DCAF13: variants seen among roughly 807,000 people sequenced by gnomAD.
The protein encoded by DCAF13 is DDB1- and CUL4-associated factor 13.
In DCAF13, 38 loss-of-function variants were observed where a neutral mutation model predicts 59.0. The ratio of observed to expected loss-of-function variants is 0.64; its 90% CI spans 0.50 to 0.84. The LOEUF (loss-of-function observed/expected upper bound fraction) is 0.84. Ranked by LOEUF, DCAF13 falls within the 40% of genes least tolerant of loss-of-function variation. The pLI is 0.00. For synonymous variants in DCAF13, 173 were observed against 175.0 expected (o/e 0.99, Z 0.09); for missense variants, 469 against 558.4 (o/e 0.84, Z 1.61).
Position 103,430,675 on chromosome 8 carries a change from A to C in DCAF13, c.688A>C (p.Thr230Pro). Residue 230 changes from threonine (T) to proline (P), a missense_variant, in exon 6 of 11, where the codon ACT becomes CCT. By Grantham distance (38) the Thr-to-Pro change is conservative (BLOSUM62 -1). This residue lies in a region of DCAF13 where 355 missense variants were observed against 399.1 expected (regional missense o/e 0.89). Coordinates refer to ENST00000612750, the MANE Select transcript of DCAF13 (RefSeq NM_015420.7). ...AGTACTGTACGATATGAGGCAAGCT[A>C]CTCCTTTGAAAAAGGTGAGTTTCAG... ...NIVLYDMRQA[T>P]PLKKVILDMR... 6.2e-7 allele frequency: 1 copy of C among 1,607,964 alleles called. No individual in the cohort carries two copies.
intron 1 of DCAF13, among the ~76,000 whole-genome samples, chr8:103,419,031 A>T (rs1159064030): frequency 6.6e-6 from 1 of 150,522 alleles, no homozygotes; most frequent in Non-Finnish European, 1.5e-5. Context: ...CTGCAGGCAC[A>T]TACCACCCCC....
chr8:103,424,295 G>C (rs1224920069), intron 3 of DCAF13, among the ~76,000 whole-genome samples: 1 of 152,210 alleles, frequency 6.6e-6, no homozygotes, highest in African/African-American at 2.4e-5. Flanking sequence ...TGAAAGTGCT[G>C]GGATTACAGG....
rs1816883200 is a variant in DCAF13 at position 103,432,713 on chromosome 8, A to G, written c.757A>G (p.Ile253Val). 6.2e-7 allele frequency: 1 copy of G among 1,604,250 alleles called. No homozygotes were observed. The highest frequency in any genetic ancestry group is 1.3e-5 in the African/African-American group (1 of 74,838). Reference sequence around the variant, plus strand: ...CTGTTGGAACCCTATGGAAGCTTTCATTTTTACAGCAGCAAATGAAGATTA... The same window carrying G: ...CTGTTGGAACCCTATGGAAGCTTTCGTTTTTACAGCAGCAAATGAAGATTA... The part of the protein sequence containing the change: ...TICWNPMEAF[I>V]FTAANEDYNL... The change falls in exon 7 of 11, where the codon ATT becomes GTT. Residue 253 changes from isoleucine (I) to valine (V), a missense_variant. Physicochemically the swap from Ile to Val is conservative, Grantham distance 29. This residue lies in a region of DCAF13 where 355 missense variants were observed against 399.1 expected (regional missense o/e 0.89). Coordinates refer to ENST00000612750, the MANE Select transcript of DCAF13 (RefSeq NM_015420.7).
chr8:103,430,719 A>G (rs1327423067), intron 6 of DCAF13, 30 bp downstream of exon 6: 2 of 1,511,318 alleles, frequency 1.3e-6, no homozygotes, highest in African/African-American at 1.4e-5. Flanking sequence ...TTTGCTTTAT[A>G]CAGTTGGCAT....
intron 3 of DCAF13, chr8:103,421,307 G>T (rs1420562252): frequency 1.6e-6 from 1 of 623,170 alleles, no homozygotes; most frequent in Non-Finnish European, 2.9e-6. Flanking sequence ...CACAAAAGTG[G>T]AATTAATGAG....
intron 5 of DCAF13, chr8:103,429,108 T>C (rs1446551710): frequency 6.6e-6 from 1 of 152,278 alleles, no homozygotes; most frequent in East Asian, 1.9e-4. Flanking sequence ...AAGCCAAAAG[T>C]TTATGCTGAT....
At chr8:103,432,231 C>T (rs991112714) in intron 6 of DCAF13, among the ~76,000 whole-genome samples, 1 of 152,158 alleles carries the variant, frequency 6.6e-6, no homozygotes, top group Non-Finnish European at 1.5e-5. Context: ...GATAATCCTG[C>T]TCAAAATGCC....
chr8:103,441,858 C>T (rs1415979398), intron 10 of DCAF13: 7 of 400,646 alleles, frequency 1.7e-5, no homozygotes, highest in South Asian at 6.2e-5. Context: ...CTCCGCCTCC[C>T]GGGTTCATGC....
intron 1 of DCAF13, among the ~76,000 whole-genome samples, chr8:103,417,109 A>C (rs1384291954): frequency 6.6e-6 from 1 of 152,216 alleles, no homozygotes; most frequent in Non-Finnish European, 1.5e-5. Context: ...ATATTAACTG[A>C]ACCAGTCCCA....
intron 6 of DCAF13, 149 bp downstream of exon 6, chr8:103,430,838 A>G (rs1816854123): frequency 4.0e-6 from 2 of 501,992 alleles, no homozygotes; most frequent in East Asian, 3.4e-5. Context: ...GATGATAGTC[A>G]TGTTCTTTCA....
chr8:103,442,816 C>A lies in DCAF13; in HGVS notation c.1272C>A (p.His424Gln). ...RRRKEVNRIK[H>Q]SKPGSVPLVS... ...CTAGGGAAGTGAATCGTATTAAACA[C>A]AGCAAGCCTGGATCTGTGCCACTTG... is the stretch of plus-strand genomic sequence containing the variant. Residue 424 changes from histidine (H) to glutamine (Q), a missense_variant, in exon 11 of 11, where the codon CAC (histidine) becomes CAA (glutamine). By Grantham distance (24) the His-to-Gln change is conservative (BLOSUM62 0). Around this residue, in one of 3 missense-constraint regions of DCAF13, gnomAD observed 84 missense variants for 92.3 expected, o/e 0.91. Transcript: ENST00000612750. The A allele has an allele frequency of 6.2e-7, 1 of 1,604,742 alleles. No individual in the cohort carries two copies. The highest frequency in any genetic ancestry group is 8.5e-7 in the Non-Finnish European group (1 of 1,176,802).
chr8:103,436,576 A>G (rs950292641), intron 8 of DCAF13, among the ~76,000 whole-genome samples: 3 of 152,186 alleles, frequency 2.0e-5, no homozygotes, highest in Admixed American at 6.5e-5. Context: ...GTATCTATTT[A>G]TACATCTATT....
chr8:103,419,863 G>A (rs950023690), intron 1 of DCAF13, among the ~76,000 whole-genome samples: 1 of 152,058 alleles, frequency 6.6e-6, no homozygotes, highest in Non-Finnish European at 1.5e-5. Flanking sequence ...AGAAAAATTA[G>A]CTGGGCGTGG....
At chr8:103,416,527 A>G (rs1816615799) in intron 1 of DCAF13, among the ~76,000 whole-genome samples, 1 of 152,142 alleles carries the variant, frequency 6.6e-6, no homozygotes, top group African/African-American at 2.4e-5. Context: ...CTCCTGTGGC[A>G]CACACCCTTA....
chr8:103,427,088 C>CT lies in DCAF13; in HGVS notation c.469-5dup. ...GAAAAAAATCCTCTTAACCTTTTTG[C>CT]TTTTAAAGACAGTGTATACTGGGAT... On this transcript the variant is annotated splice_polypyrimidine_tract_variant and intron_variant, in intron 4 of 10. Transcript: ENST00000612750. 6.3e-7 allele frequency: 1 copy of CT among 1,579,818 alleles called. No individual in the cohort carries two copies. Among genetic ancestry groups the CT allele is most frequent in the Non-Finnish European group, 8.5e-7 (1 of 1,169,918 alleles).
intron 8 of DCAF13, chr8:103,439,874 A>G (rs1161655744): frequency 4.3e-6 from 1 of 230,748 alleles, no homozygotes; most frequent in African/African-American, 2.2e-5. Flanking sequence ...ACTTTTCTGT[A>G]CATCTGGTTT....
intron 7 of DCAF13, 81 bp downstream of exon 7, chr8:103,432,822 C>G: frequency 1.2e-6 from 1 of 844,010 alleles, no homozygotes; most frequent in Admixed American, 2.1e-5. Context: ...AAAATATATA[C>G]CACTAGGTAG....
rs1817035544 is a variant in DCAF13 at position 103,443,347 on chromosome 8, G to T, written c.*465G>T. ...ATTTCTAGTGCTTTACTTATATTTG[G>T]CTTTTTGACTCTTTTAAAACAATCA... On this transcript the variant is annotated 3_prime_UTR_variant, in exon 11 of 11. Coordinates refer to ENST00000612750, the MANE Select transcript of DCAF13 (RefSeq NM_015420.7). 6.6e-6 allele frequency: 1 copy of T among 151,528 alleles called. No individual in the cohort carries two copies. The highest frequency in any genetic ancestry group is 1.5e-5 in the Non-Finnish European group (1 of 67,864). 9.4% of individuals were successfully genotyped at this position (151,528 alleles called of 1,614,324 possible). A position where few individuals can be genotyped will look rare whatever the true frequency, so the allele number is the denominator to read the frequency against.
At chr8:103,417,858 G>A (rs1378345912) in intron 1 of DCAF13, among the ~76,000 whole-genome samples, 17 of 151,636 alleles carry the variant, frequency 1.1e-4, no homozygotes, top group Admixed American at 1.1e-3. Flanking sequence ...AGTGGCTCAC[G>A]CCTGTAATCC....
Sources: gnomAD v4.1 joint callset for allele counts (sites outside exome capture counted in the v4.1 genomes callset) on GRCh38, gnomAD v4.1.1 for gene constraint, gnomAD v4.1.1 regional missense constraint, MANE v1.5 for transcripts, NCBI Gene and HGNC (gene_info 2026-07-23, HGNC 2026-07-21) for gene names.